The following PTPRT variants were observed in gnomAD, a reference collection of about 807,000 sequenced individuals.
The protein encoded by PTPRT is protein tyrosine phosphatase receptor type T.
PTPRT carries 56 observed loss-of-function variants against 176.8 expected under a neutral mutation model. The observed-to-expected ratio is 0.32, with a 90% confidence interval of 0.26 to 0.40. PTPRT has a LOEUF of 0.40. Among genes scored for constraint, PTPRT ranks in the 10% least tolerant of loss-of-function variants. PTPRT has a pLI of 1.00. For synonymous variants in PTPRT, 783 were observed against 739.0 expected (o/e 1.06, Z -0.96); for missense variants, 1,540 against 1,908.2 (o/e 0.81, Z 3.60).
In PTPRT at chr20:42,197,682, A is replaced by G. The variant is rs1991284480; in HGVS notation, c.2491+1558T>C. Among the ~76,000 whole-genome samples, 4 of 151,992 alleles carry G rather than the reference A, an allele frequency of 2.6e-5. No homozygotes were observed. The South Asian group carries it at 8.3e-4, about 32-fold the overall frequency. ...CTGAATTCTCTGGAGGTAAAGTGTC[A>G]TGATGTCTGCAACTTACTTCTAAAT... On this transcript the variant is annotated intron_variant, in intron 16 of 30. Transcript: ENST00000373187.
intron 6 of PTPRT, among the ~76,000 whole-genome samples, chr20:42,694,069 C>T (rs1205541846): frequency 7.0e-6 from 1 of 143,602 alleles, no homozygotes; most frequent in Non-Finnish European, 1.5e-5. Context: ...GCCAGAGTCT[C>T]GCTCTGTCGC....
At chr20:42,904,156 A>C (rs1212175831) in intron 1 of PTPRT, among the ~76,000 whole-genome samples, 1 of 152,210 alleles carries the variant, frequency 6.6e-6, no homozygotes. Flanking sequence ...TCTTTGGAAC[A>C]AGCACTCAGC....
At chr20:43,171,258 C>T (rs978428530) in intron 1 of PTPRT, among the ~76,000 whole-genome samples, 13 of 152,068 alleles carry the variant, frequency 8.5e-5, no homozygotes, top group Admixed American at 3.3e-4. Flanking sequence ...ACAGAATCTT[C>T]GATTCAAGAT....
chr20:42,170,303 A>AT lies in PTPRT; in HGVS notation c.2492-8762dup, dbSNP rs889710681. 2.4e-4 allele frequency among the ~76,000 whole-genome samples: 36 copies of AT among 152,158 alleles called. No individual in the cohort carries two copies. The East Asian group carries it at 2.7e-3, about 11-fold the overall frequency. ...CTTGCTGCTTAAGCCATTTTTATTC[A>AT]TTTTTTTTCTGTTACTGGTATCTTA... is the stretch of plus-strand genomic sequence containing the variant. On this transcript the variant is annotated intron_variant, in intron 16 of 30. Coordinates refer to ENST00000373187, the MANE Select transcript of PTPRT (RefSeq NM_007050.6).
chr20:42,116,538 C>T (rs968555623), intron 21 of PTPRT, among the ~76,000 whole-genome samples: 17 of 152,204 alleles, frequency 1.1e-4, no homozygotes, highest in South Asian at 4.1e-4. Context: ...CTGTCTACCA[C>T]GGCTCACAAA....
chr20:42,474,968 G>A (rs2071264727), intron 7 of PTPRT, among the ~76,000 whole-genome samples: 1 of 152,180 alleles, frequency 6.6e-6, no homozygotes, highest in Non-Finnish European at 1.5e-5. Context: ...CTGAGGCAGG[G>A]AGAAGAGGAA....
At chr20:42,766,896 G>A (rs960564746) in intron 5 of PTPRT, among the ~76,000 whole-genome samples, 12 of 152,220 alleles carry the variant, frequency 7.9e-5, no homozygotes, top group African/African-American at 2.7e-4. Flanking sequence ...CAGTAGACCT[G>A]CTGTAGCTGT....
the PTPRT span, among the ~76,000 whole-genome samples, chr20:42,038,528 C>T: frequency 6.6e-6 from 1 of 152,140 alleles, no homozygotes. Context: ...TGTGGGGACA[C>T]AAAGTGCTTA....
At chr20:42,399,004 C>G (rs2058878368) in intron 9 of PTPRT, among the ~76,000 whole-genome samples, 1 of 152,178 alleles carries the variant, frequency 6.6e-6, no homozygotes, top group Admixed American at 6.5e-5. Flanking sequence ...TTCCAGGAGA[C>G]CAGACTGAGT....
chr20:43,128,551 A>G (rs960303804), intron 1 of PTPRT, among the ~76,000 whole-genome samples: 1 of 152,260 alleles, frequency 6.6e-6, no homozygotes, highest in African/African-American at 2.4e-5. Flanking sequence ...CAGAAGGCAG[A>G]ACAGCACTTC....
intron 1 of PTPRT, among the ~76,000 whole-genome samples, chr20:43,155,962 A>C: frequency 6.6e-6 from 1 of 152,220 alleles, no homozygotes; most frequent in African/African-American, 2.4e-5. Flanking sequence ...TCTTTTTAAA[A>C]ATAATCCCTG....
chr20:42,955,217 A>T (rs961474746), intron 1 of PTPRT, among the ~76,000 whole-genome samples: 2 of 152,148 alleles, frequency 1.3e-5, no homozygotes, highest in African/African-American at 4.8e-5. Flanking sequence ...AACACCATTA[A>T]TCCTTCCCAC....
chr20:42,442,657 C>A (rs944512507), intron 9 of PTPRT, among the ~76,000 whole-genome samples: 2 of 152,200 alleles, frequency 1.3e-5, no homozygotes, highest in Non-Finnish European at 2.9e-5. Context: ...TTTCACACTT[C>A]GTTAACCCAG....
intron 13 of PTPRT, among the ~76,000 whole-genome samples, chr20:42,263,173 G>C (rs2056778668): frequency 6.6e-6 from 1 of 152,080 alleles, no homozygotes; most frequent in South Asian, 2.1e-4. Flanking sequence ...AGCACAAGGG[G>C]AGCCCTGGGA....
At chr20:42,583,419 G>T (rs914085863) in intron 7 of PTPRT, among the ~76,000 whole-genome samples, 1 of 152,186 alleles carries the variant, frequency 6.6e-6, no homozygotes, top group Non-Finnish European at 1.5e-5. Flanking sequence ...TGTCTAAACA[G>T]CCATGCAAAA....
At position 42,462,922 on chromosome 20, in the gene PTPRT, A is replaced by G. The variant is rs6030262; in HGVS notation, c.1450+9344T>C. 2.4e-3 allele frequency among the ~76,000 whole-genome samples: 368 copies of G among 152,328 alleles called. 2 individuals carry two copies. The highest frequency in any genetic ancestry group is 8.0e-3 in the African/African-American group (332 of 41,582). On this transcript the variant is annotated intron_variant, in intron 8 of 30. Transcript: ENST00000373187. Reference sequence around the variant, plus strand: ...ATGCGAGTCCTTAAACCAAGGTTGCATAGTGAAGTAGTGGATGAAGCCTGG... The same window carrying G: ...ATGCGAGTCCTTAAACCAAGGTTGCGTAGTGAAGTAGTGGATGAAGCCTGG...
intron 1 of PTPRT, among the ~76,000 whole-genome samples, chr20:42,930,625 G>A (rs1979780282): frequency 6.6e-6 from 1 of 152,078 alleles, no homozygotes; most frequent in Admixed American, 6.6e-5. Flanking sequence ...TAGGACTACA[G>A]GCACAGGCCA....
intron 9 of PTPRT, among the ~76,000 whole-genome samples, chr20:42,403,478 G>A (rs117521939): frequency 0.012 from 1,815 of 152,250 alleles, 13 homozygotes; most frequent in South Asian, 0.019. Flanking sequence ...ACCTACATAT[G>A]AAGACAAGGT....
intron 15 of PTPRT, among the ~76,000 whole-genome samples, chr20:42,233,974 C>T (rs146861515): frequency 6.6e-6 from 1 of 152,260 alleles, no homozygotes; most frequent in Non-Finnish European, 1.5e-5. Flanking sequence ...CACCCCAGCA[C>T]CCAGCACACA....
Sources: gnomAD v4.1 joint callset for allele counts (sites outside exome capture counted in the v4.1 genomes callset) on GRCh38, gnomAD v4.1.1 for gene constraint, MANE v1.5 for transcripts, NCBI Gene and HGNC (gene_info 2026-07-23, HGNC 2026-07-21) for gene names.